Variants in GALNT15 observed in about 807,000 individuals in gnomAD.
GALNT15 encodes the protein polypeptide N-acetylgalactosaminyltransferase 15.
A neutral mutation model predicts 66.8 loss-of-function variants in GALNT15; 67 were observed. The observed-to-expected ratio is 1.00, with a 90% CI of 0.82 to 1.23. The LOEUF (loss-of-function observed/expected upper bound fraction) is 1.23. Among genes scored for constraint, GALNT15 ranks in the 50% most tolerant of loss-of-function variants. The probability of loss-of-function intolerance (pLI) is 0.00; values close to 1 mark genes in which losing one functional copy is unlikely to be tolerated. For missense variants in GALNT15, 827 were observed against 804.3 expected, an observed-to-expected ratio of 1.03 and a Z score of -0.34; for synonymous variants, 313 against 311.5, an observed-to-expected ratio of 1.00 and a Z score of -0.05.
chr3:16,201,674 A>G (rs2063705178), intron 3 of GALNT15, among the ~76,000 whole-genome samples: 1 of 152,176 alleles, frequency 6.6e-6, no homozygotes, highest in South Asian at 2.1e-4. Flanking sequence ...GGAAATGTGA[A>G]GTTGGAGAGG....
downstream of GALNT15, among the ~76,000 whole-genome samples, chr3:16,232,470 A>ATG (rs2064092437): frequency 3.4e-5 from 1 of 29,248 alleles, no homozygotes. Flanking sequence ...AAATAAATAA[A>ATG]TATATATATA....
rs1421585108 is a variant in GALNT15 at position 16,175,722 on chromosome 3, T to A, written c.539+32T>A. 1 of 1,519,536 alleles carries A rather than the reference T, an allele frequency of 6.6e-7. No homozygotes were observed. Among genetic ancestry groups the A allele is most frequent in the East Asian group, 2.3e-5 (1 of 43,990 alleles). The allele number at this position is 1,519,536 out of a possible 1,614,324, so 94.1% of individuals were successfully genotyped here. Reference sequence around the variant, plus strand: ...AAGGCCCTTGTTTTCCCTTCCCTGATCCCAGGGCATGATCGGGTGGTAGCA... The same window carrying A: ...AAGGCCCTTGTTTTCCCTTCCCTGAACCCAGGGCATGATCGGGTGGTAGCA... On this transcript the variant is annotated intron_variant, in intron 1 of 9. Coordinates refer to ENST00000339732, the MANE Select transcript of GALNT15 (RefSeq NM_054110.5). This position sits in a 1 kb window ranked among gnomAD's most constrained non-coding sequence, Gnocchi z 5.6.
At position 16,219,223 on chromosome 3, in the gene GALNT15, C is replaced by CTGTGCTATTCTA. The variant is rs1479778596; in HGVS notation, c.1393-179_1393-178insGTGCTATTCTAT. Among the ~76,000 whole-genome samples the CTGTGCTATTCTA allele has an allele frequency of 6.6e-6, 1 of 152,144 alleles. No homozygotes were observed. The highest frequency in any genetic ancestry group is 1.5e-5 in the Non-Finnish European group (1 of 68,040). On this transcript the variant is annotated intron_variant, in intron 6 of 9. Coordinates refer to ENST00000339732, the MANE Select transcript of GALNT15 (RefSeq NM_054110.5). This position sits in a 1 kb window ranked among gnomAD's most constrained non-coding sequence, Gnocchi z 4.3. ...AGGGAAGATCTGTGCTATTCTATCC[C>CTGTGCTATTCTA]TTCCAGACCTTCTTCTCCCAACACA...
At chr3:16,230,217 G>A (rs1438724699), downstream of GALNT15, among the ~76,000 whole-genome samples, 1 of 152,114 alleles carries the variant, frequency 6.6e-6, no homozygotes, top group Admixed American at 6.6e-5. This position sits in a 1 kb window ranked among gnomAD's most constrained non-coding sequence, Gnocchi z 4.5. Flanking sequence ...AGAGAGAAGT[G>A]TCCGGCCAGC....
chr3:16,209,237 AAC>A lies in GALNT15; in HGVS notation c.1079+571_1079+572del, dbSNP rs573824319. 2.5e-4 allele frequency among the ~76,000 whole-genome samples: 38 copies of A among 152,218 alleles called. No homozygotes were observed. The highest frequency in any genetic ancestry group is 1.0e-4 in the Non-Finnish European group (7 of 68,036). On this transcript the variant is annotated intron_variant, in intron 4 of 9. Transcript: ENST00000339732. The surrounding 1 kb of genome is among the most constrained non-coding windows in gnomAD (Gnocchi z 4.1). ...ACAAATCACCTCAAACTTGGTGTAA[AAC>A]ACAGCCATTTTATTAAGCTCATGAA...
chr3:16,212,797 A>G (rs1258904862), intron 6 of GALNT15, 34 bp downstream of exon 6: 1 of 1,578,700 alleles, frequency 6.3e-7, no homozygotes, highest in South Asian at 1.1e-5. Context: ...TTCTGTGTCC[A>G]GCACAGGGCC....
chr3:16,215,429 A>G (rs1187269016), intron 6 of GALNT15, among the ~76,000 whole-genome samples: 1 of 152,256 alleles, frequency 6.6e-6, no homozygotes, highest in East Asian at 1.9e-4. Context: ...GAAGTGGGGA[A>G]AGAACCAGAA....
the GALNT15 span, among the ~76,000 whole-genome samples, chr3:16,236,997 T>C: frequency 1.1e-4 from 17 of 152,198 alleles, no homozygotes; most frequent in African/African-American, 3.1e-4. Context: ...AACACTCTAG[T>C]TTTTATCTTA....
chr3:16,195,613 C>G lies in GALNT15; in HGVS notation c.540-147C>G. ...GCACCACTATGAGGCGTAACAGGTT[C>G]TTTTTATATGGGAATTTTAAGAGAT... On this transcript the variant is annotated intron_variant, in intron 1 of 9. Coordinates refer to ENST00000339732, the MANE Select transcript of GALNT15 (RefSeq NM_054110.5). This position sits in a 1 kb window ranked among gnomAD's most constrained non-coding sequence, Gnocchi z 4.6. 1.7e-6 allele frequency: 1 copy of G among 577,562 alleles called. No individual in the cohort carries two copies. The highest frequency in any genetic ancestry group is 3.0e-6 in the Non-Finnish European group (1 of 338,758). 35.8% of individuals were successfully genotyped at this position (577,562 alleles called of 1,614,324 possible).
chr3:16,241,015 C>T, the GALNT15 span, among the ~76,000 whole-genome samples: 1 of 152,122 alleles, frequency 6.6e-6, no homozygotes, highest in Non-Finnish European at 1.5e-5. This position sits in a 1 kb window ranked among gnomAD's most constrained non-coding sequence, Gnocchi z 4.6. Flanking sequence ...CCTCCGTTTG[C>T]CAGCTTCTTC....
At position 16,213,283 on chromosome 3, in the gene GALNT15, G is replaced by A. The variant is rs991457385; in HGVS notation, c.1392+520G>A. On this transcript the variant is annotated intron_variant, in intron 6 of 9. Coordinates refer to ENST00000339732, the MANE Select transcript of GALNT15 (RefSeq NM_054110.5). ...ATCCTGGCTAACATGGTGAAACCCC[G>A]TCTCTACTAAAAATACAAAAAATTA... Among the ~76,000 whole-genome samples, 8 of 149,288 alleles carry A rather than the reference G, an allele frequency of 5.4e-5. No individual in the cohort carries two copies. In the South Asian group the frequency reaches 1.6e-3, roughly 29 times the overall value.
rs925895118 is a variant in GALNT15 at position 16,191,261 on chromosome 3, G to A, written c.540-4499G>A. 5.6e-6 allele frequency: 5 copies of A among 892,758 alleles called. No individual in the cohort carries two copies. The highest frequency in any genetic ancestry group is 5.4e-6 in the Non-Finnish European group (4 of 745,740). The allele number at this position is 892,758 out of a possible 1,614,324, so 55.3% of individuals were successfully genotyped here. A position where few individuals can be genotyped will look rare whatever the true frequency, so the allele number is the denominator to read the frequency against. ...TGCCTCCTTCTTCCTCCTGCTGCGG[G>A]AAGGAGCCCCCAAAGAATCAAGAAC... On this transcript the variant is annotated intron_variant, in intron 1 of 9. Coordinates refer to ENST00000339732, the MANE Select transcript of GALNT15 (RefSeq NM_054110.5). This position sits in a 1 kb window ranked among gnomAD's most constrained non-coding sequence, Gnocchi z 5.2.
rs1182226079 is a variant in GALNT15, at chr3:16,225,506, C to A, written c.1774-1848C>A. ...GGTCAGGAGGCTGAGACCAGCCTGG[C>A]CAATATGGTGAAACCCCGTTTCTAC... On this transcript the variant is annotated intron_variant, in intron 9 of 9. Transcript: ENST00000339732. This position sits in a 1 kb window ranked among gnomAD's most constrained non-coding sequence, Gnocchi z 4.4. 6.6e-6 allele frequency among the ~76,000 whole-genome samples: 1 copy of A among 152,094 alleles called. No individual in the cohort carries two copies. The highest frequency in any genetic ancestry group is 2.4e-5 in the African/African-American group (1 of 41,406).
Position 16,184,473 on chromosome 3 carries a change from GC to G in GALNT15, c.539+8784del, listed in dbSNP as rs2063499401. ...TAGCAGAGGCTGTGACACCTGCCAG[GC>G]ATGTCATTCATTCCCCACCTGCACT... On this transcript the variant is annotated intron_variant, in intron 1 of 9. Coordinates refer to ENST00000339732, the MANE Select transcript of GALNT15 (RefSeq NM_054110.5). This position sits in a 1 kb window ranked among gnomAD's most constrained non-coding sequence, Gnocchi z 5.0. Among the ~76,000 whole-genome samples, 1 of 152,142 alleles carries G rather than the reference GC, an allele frequency of 6.6e-6. No homozygotes were observed. The highest frequency in any genetic ancestry group is 1.5e-5 in the Non-Finnish European group (1 of 68,040).
At chr3:16,234,923 CTTTTTTTTT>C (rs1203363973), downstream of GALNT15, among the ~76,000 whole-genome samples, 1 of 131,136 alleles carries the variant, frequency 7.6e-6, no homozygotes, top group African/African-American at 2.9e-5. Context: ...TTATCCCAAT[CTTTTTTTTT>C]TTTTTTTTTT....
rs1241652380 is a variant in GALNT15, at chr3:16,211,197, C to G, written c.1153C>G (p.Leu385Val). The G allele has an allele frequency of 6.2e-7, 1 of 1,613,950 alleles. No homozygotes were observed. Among genetic ancestry groups the G allele is most frequent in the Non-Finnish European group, 8.5e-7 (1 of 1,179,842 alleles). The change falls in exon 5 of 10, where the codon CTT becomes GTT. Residue 385 changes from leucine (L) to valine (V), a missense_variant. Transcript: ENST00000339732. The surrounding 1 kb of genome is among the most constrained non-coding windows in gnomAD (Gnocchi z 4.3). ...YFQNTGAYDS[L>V]MSLRGGENLE... is the part of the protein sequence containing the mutation. ...CCAAAACACTGGAGCGTATGACTCT[C>G]TTATGTCGCTGCGAGGTGGTGAAAA...
chr3:16,181,422 T>C lies in GALNT15; in HGVS notation c.539+5732T>C, dbSNP rs1215791066. 1.3e-5 allele frequency among the ~76,000 whole-genome samples: 2 copies of C among 152,076 alleles called. No individual in the cohort carries two copies. The highest frequency in any genetic ancestry group is 6.6e-5 in the Admixed American group (1 of 15,264). On this transcript the variant is annotated intron_variant, in intron 1 of 9. Coordinates refer to ENST00000339732, the MANE Select transcript of GALNT15 (RefSeq NM_054110.5). This position sits in a 1 kb window ranked among gnomAD's most constrained non-coding sequence, Gnocchi z 5.9. Reference sequence around the variant, plus strand: ...GCTGGGAGGGATATCTTCTGCTTTGTTCCCCACTTCCTGCCCCAGAGGCCA... The same window carrying C: ...GCTGGGAGGGATATCTTCTGCTTTGCTCCCCACTTCCTGCCCCAGAGGCCA...
chr3:16,226,054 A>G lies in GALNT15; in HGVS notation c.1774-1300A>G, dbSNP rs566065621. Among the ~76,000 whole-genome samples, 55 of 112,338 alleles carry G rather than the reference A, an allele frequency of 4.9e-4. 1 individual carries two copies. Among genetic ancestry groups the G allele is most frequent in the African/African-American group, 1.7e-3 (54 of 32,258 alleles). The allele number at this position is 112,338 out of a possible 152,430, so 73.7% of individuals were successfully genotyped here. Reference sequence around the variant, plus strand: ...ACAGAGCAAGACTCCTTCTTGGAAAAAAAAAAAAAAATTACACAAAGTGAA... The same window carrying G: ...ACAGAGCAAGACTCCTTCTTGGAAAGAAAAAAAAAAATTACACAAAGTGAA... On this transcript the variant is annotated intron_variant, in intron 9 of 9. Coordinates refer to ENST00000339732, the MANE Select transcript of GALNT15 (RefSeq NM_054110.5).
At chr3:16,232,471 T>TAAATAAATAA (rs201364608), downstream of GALNT15, among the ~76,000 whole-genome samples, 392 of 43,960 alleles carry the variant, frequency 8.9e-3, 3 homozygotes, top group African/African-American at 0.017. Flanking sequence ...AATAAATAAA[T>TAAATAAATAA]ATATATATAT....
Sources: gnomAD v4.1 joint callset for allele counts (sites outside exome capture counted in the v4.1 genomes callset) on GRCh38, gnomAD v4.1.1 for gene constraint, Gnocchi (gnomAD v3.1) non-coding constraint, MANE v1.5 for transcripts, NCBI Gene and HGNC (gene_info 2026-07-23, HGNC 2026-07-21) for gene names.